The following ULK4 variants were observed in gnomAD, a reference collection of about 807,000 sequenced individuals.
The protein encoded by ULK4 is unc-51 like kinase 4, also known as inactive serine/threonine-protein kinase ULK4.
A neutral mutation model predicts 160.6 loss-of-function variants in ULK4; 133 were observed. The ratio of observed to expected loss-of-function variants is 0.83; its 90% confidence interval spans 0.72 to 0.96. The LOEUF (loss-of-function observed/expected upper bound fraction) is 0.96, where lower values mean the gene tolerates loss of function less well. Among genes scored for constraint, ULK4 ranks in the 40% least tolerant of loss-of-function variants. The pLI is 0.00. For missense variants in ULK4, 1,580 were observed against 1,499.5 expected, an observed-to-expected ratio of 1.05 and a Z score of -0.89; for synonymous variants, 534 against 539.8, an observed-to-expected ratio of 0.99 and a Z score of 0.15.
intron 34 of ULK4, among the ~76,000 whole-genome samples, chr3:41,444,333 G>T (rs1197162101): frequency 1.3e-5 from 2 of 150,158 alleles, no homozygotes; most frequent in South Asian, 2.1e-4. Context: ...TCTCTTGGGG[G>T]TATCTCTTTC....
chr3:41,385,043 C>T (rs1278757318), intron 35 of ULK4, among the ~76,000 whole-genome samples: 1 of 151,726 alleles, frequency 6.6e-6, no homozygotes, highest in African/African-American at 2.4e-5. Flanking sequence ...AACAGAGAGA[C>T]CTTGTCTCAA....
At chr3:41,530,637 A>T (rs1351993845) in intron 32 of ULK4, among the ~76,000 whole-genome samples, 2 of 152,232 alleles carry the variant, frequency 1.3e-5, no homozygotes, top group Non-Finnish European at 2.9e-5. Context: ...AAGAGTCAAT[A>T]TAACAGATAA....
chr3:41,475,266 T>A (rs2084105405), intron 32 of ULK4, among the ~76,000 whole-genome samples: 2 of 152,182 alleles, frequency 1.3e-5, no homozygotes, highest in Admixed American at 1.3e-4. Flanking sequence ...CATGTTCTCA[T>A]ATACATAACA....
chr3:41,284,583 T>TA (rs1473155163), intron 35 of ULK4, among the ~76,000 whole-genome samples: 1 of 152,104 alleles, frequency 6.6e-6, no homozygotes, highest in Non-Finnish European at 1.5e-5. Context: ...TCACCTTATA[T>TA]AAAAATCAAC....
At chr3:41,287,277 A>C (rs1448554862) in intron 35 of ULK4, among the ~76,000 whole-genome samples, 2 of 152,174 alleles carry the variant, frequency 1.3e-5, no homozygotes, top group Admixed American at 1.3e-4. Context: ...GGAGTTAGGG[A>C]CTTTTTTCTT....
chr3:41,271,819 G>T (rs2079142796), intron 35 of ULK4, among the ~76,000 whole-genome samples: 1 of 151,526 alleles, frequency 6.6e-6, no homozygotes. Flanking sequence ...AGGCTACTAT[G>T]AACCCTCATG....
chr3:41,719,133 C>T (rs3890604), intron 22 of ULK4, among the ~76,000 whole-genome samples: 48,171 of 152,026 alleles, frequency 0.32, 11,237 homozygotes, highest in African/African-American at 0.66. Flanking sequence ...CCACTCCTGC[C>T]GTTCCTCTAT....
Position 41,789,784 on chromosome 3 carries a change from C to T in ULK4, c.2070G>A (p.Val690=), listed in dbSNP as rs1342614781. The T allele has an allele frequency of 3.1e-6, 5 of 1,613,568 alleles. No individual in the cohort carries two copies. The highest frequency in any genetic ancestry group is 1.3e-5 in the African/African-American group (1 of 75,012). The change falls in exon 21 of 37, where the codon GTG becomes GTA. Residue 690 remains valine (V), a synonymous_variant. Coordinates refer to ENST00000301831, the MANE Select transcript of ULK4 (RefSeq NM_017886.4). ...GGGAGTTTATTACTGAGTTCAGTCC[C>T]ACCTTTTCAATAACATTCTGGAAGG... The part of the protein sequence containing the change: ...PTAFQNVIEK[V]GLNSVINSLA...
intron 32 of ULK4, among the ~76,000 whole-genome samples, chr3:41,503,965 T>A (rs1481105806): frequency 1.3e-5 from 2 of 152,210 alleles, no homozygotes; most frequent in East Asian, 3.8e-4. Context: ...AAAGGCCATC[T>A]TGGTTGAATC....
At chr3:41,764,724 A>G (rs531420833) in intron 21 of ULK4, among the ~76,000 whole-genome samples, 25 of 152,396 alleles carry the variant, frequency 1.6e-4, no homozygotes, top group African/African-American at 5.8e-4. Context: ...CTGGCTTCAA[A>G]TGCCACATTT....
At chr3:41,888,897 A>T (rs1697820594) in intron 16 of ULK4, among the ~76,000 whole-genome samples, 1 of 152,202 alleles carries the variant, frequency 6.6e-6, no homozygotes, top group South Asian at 2.1e-4. Context: ...ACCAGTCAGC[A>T]GGCCCCACCT....
At chr3:41,631,506 A>C (rs956357576) in intron 30 of ULK4, among the ~76,000 whole-genome samples, 13 of 152,344 alleles carry the variant, frequency 8.5e-5, no homozygotes, top group Non-Finnish European at 1.6e-4. Flanking sequence ...TCCATTGCCT[A>C]CCAGCATTAA....
At chr3:41,437,737 T>C (rs2083068714) in intron 34 of ULK4, among the ~76,000 whole-genome samples, 1 of 152,216 alleles carries the variant, frequency 6.6e-6, no homozygotes, top group African/African-American at 2.4e-5. Flanking sequence ...TGCAGGCACA[T>C]GAGCAGGTTA....
intron 11 of ULK4, among the ~76,000 whole-genome samples, chr3:41,908,820 C>G (rs111277902): frequency 6.6e-6 from 1 of 151,602 alleles, no homozygotes; most frequent in African/African-American, 2.4e-5. Context: ...GGGCCGAGTG[C>G]GGTGGCTTAC....
intron 29 of ULK4, among the ~76,000 whole-genome samples, chr3:41,664,517 T>C (rs1420698460): frequency 2.0e-5 from 3 of 152,102 alleles, no homozygotes; most frequent in East Asian, 3.9e-4. Flanking sequence ...CCAAAGTTTT[T>C]ATGAGGGGAT....
Position 41,379,709 on chromosome 3 carries a change from C to T in ULK4, c.3678+18370G>A, listed in dbSNP as rs1309435455. ...TGTGGTTTAGCTCAACCTTACTCAT[C>T]ACCCCTACAAGCCAAAATATTTTTT... On this transcript the variant is annotated intron_variant, in intron 35 of 36. Transcript: ENST00000301831. 2.6e-5 allele frequency among the ~76,000 whole-genome samples: 4 copies of T among 152,166 alleles called. No individual in the cohort carries two copies. The East Asian group carries it at 5.8e-4, about 22-fold the overall frequency.
chr3:41,697,405 A>AT (rs2036537517), intron 27 of ULK4, among the ~76,000 whole-genome samples: 1 of 136,008 alleles, frequency 7.4e-6, no homozygotes, highest in African/African-American at 3.8e-5. Flanking sequence ...TTTAGAAAGG[A>AT]TAAAAAAAAT....
intron 29 of ULK4, among the ~76,000 whole-genome samples, chr3:41,677,810 C>T (rs1366568999): frequency 6.6e-6 from 1 of 152,072 alleles, no homozygotes; most frequent in East Asian, 1.9e-4. Flanking sequence ...TTTGGTCAAA[C>T]ATTTTTCTGG....
chr3:41,899,419 T>G (rs1184239359), intron 13 of ULK4, among the ~76,000 whole-genome samples: 1 of 152,230 alleles, frequency 6.6e-6, no homozygotes, highest in Admixed American at 6.5e-5. Flanking sequence ...AACACAAAAA[T>G]TTCTACTGAT....
Sources: gnomAD v4.1 joint callset for allele counts (sites outside exome capture counted in the v4.1 genomes callset) on GRCh38, gnomAD v4.1.1 for gene constraint, MANE v1.5 for transcripts, NCBI Gene and HGNC (gene_info 2026-07-23, HGNC 2026-07-21) for gene names.